SCAF4: variants seen among roughly 807,000 people sequenced by gnomAD.
SCAF4 encodes SR-related and CTD-associated factor 4.
A neutral mutation model predicts 129.8 loss-of-function variants in SCAF4; 25 were observed. That is an observed-to-expected ratio of 0.19 (90% CI 0.14 to 0.27). SCAF4 has a LOEUF of 0.27. Among genes scored for constraint, SCAF4 ranks in the 10% least tolerant of loss-of-function variants. The pLI is 1.00. For missense variants in SCAF4, 1,246 were observed against 1,457.1 expected, an observed-to-expected ratio of 0.86 and a Z score of 2.36; for synonymous variants, 551 against 497.7, an observed-to-expected ratio of 1.11 and a Z score of -1.43.
intron 19 of SCAF4, among the ~76,000 whole-genome samples, chr21:31,680,038 C>T (rs555813864): frequency 1.8e-4 from 27 of 152,250 alleles, no homozygotes; most frequent in African/African-American, 6.3e-4. Context: ...AAAAATCTTA[C>T]CTGAAATTCT....
chr21:31,704,103 T>TG (rs529452794), intron 3 of SCAF4, among the ~76,000 whole-genome samples, 177 bp from the exon 4 acceptor site: 150 of 152,208 alleles, frequency 9.9e-4, no homozygotes, highest in African/African-American at 3.5e-3. Flanking sequence ...ATGTCTATAA[T>TG]GGAACTACCA....
At chr21:31,722,311 C>G (rs752860389) in intron 1 of SCAF4, among the ~76,000 whole-genome samples, 20 of 152,106 alleles carry the variant, frequency 1.3e-4, no homozygotes, top group Non-Finnish European at 2.5e-4. Context: ...TTCAGCTCTC[C>G]TCAGGCTCAG....
intron 12 of SCAF4, among the ~76,000 whole-genome samples, chr21:31,692,890 T>C (rs1168668091): frequency 1.3e-5 from 2 of 152,224 alleles, no homozygotes; most frequent in Non-Finnish European, 2.9e-5. Context: ...GTGTCCTAGG[T>C]GATAAGCCTT....
rs1400645966 is a variant in SCAF4, at chr21:31,671,464, C to G, written c.3379G>C (p.Ala1127Pro). 6.2e-7 allele frequency: 1 copy of G among 1,614,044 alleles called. No homozygotes were observed. Among genetic ancestry groups the G allele is most frequent in the Non-Finnish European group, 8.5e-7 (1 of 1,180,010 alleles). Residue 1127 changes from alanine (A) to proline (P), a missense_variant, in exon 20 of 20, where the codon GCT becomes CCT. By Grantham distance (27) the Ala-to-Pro change is conservative. Coordinates refer to ENST00000286835, the MANE Select transcript of SCAF4 (RefSeq NM_020706.2). ...GGTTCAACGGATGAGGTAGCCTCAG[C>G]AGGTAACTCTTCAGAAGGCTTTAGG... ...AVLKPSEELPAEATSSVEPEK... is the reference protein window; with the variant it reads ...AVLKPSEELPPEATSSVEPEK...
intron 1 of SCAF4, among the ~76,000 whole-genome samples, chr21:31,717,832 T>C (rs2050956482): frequency 1.1e-5 from 1 of 90,116 alleles, no homozygotes; most frequent in African/African-American, 3.9e-5. Context: ...CTGCCATATA[T>C]ATATATATAT....
intron 5 of SCAF4, 115 bp from the exon 6 acceptor site, chr21:31,702,033 A>C: frequency 7.4e-7 from 1 of 1,343,282 alleles, no homozygotes; most frequent in Non-Finnish European, 1.0e-6. Flanking sequence ...TAAAATATAG[A>C]GATTGTGGCA....
intron 1 of SCAF4, among the ~76,000 whole-genome samples, chr21:31,726,253 G>C (rs1355373375): frequency 6.6e-6 from 1 of 152,158 alleles, no homozygotes; most frequent in East Asian, 1.9e-4. Context: ...CACCGTGTTA[G>C]CCAGAATGGT....
chr21:31,723,682 A>G (rs1022984500), intron 1 of SCAF4, among the ~76,000 whole-genome samples: 1 of 151,300 alleles, frequency 6.6e-6, no homozygotes, highest in East Asian at 1.9e-4. Context: ...GGCCATTTCC[A>G]TTACTCATTT....
Position 31,701,183 on chromosome 21 carries a change from G to A in SCAF4, c.601-12C>T. 15 of 1,526,186 alleles carry A rather than the reference G, an allele frequency of 9.8e-6. No homozygotes were observed. Among genetic ancestry groups the A allele is most frequent in the South Asian group, 2.6e-5 (2 of 76,558 alleles). 94.5% of individuals were successfully genotyped at this position (1,526,186 alleles called of 1,614,324 possible). A position where few individuals can be genotyped will look rare whatever the true frequency, so the allele number is the denominator to read the frequency against. Reference sequence around the variant, plus strand: ...AGGATCTGCTGAAGCTTAAAGAATGGGAAAACCAATAAATCACAGAACAAA... The same window carrying A: ...AGGATCTGCTGAAGCTTAAAGAATGAGAAAACCAATAAATCACAGAACAAA... On this transcript the variant is annotated splice_polypyrimidine_tract_variant and intron_variant, in intron 6 of 19. Coordinates refer to ENST00000286835, the MANE Select transcript of SCAF4 (RefSeq NM_020706.2).
Position 31,702,288 on chromosome 21 carries a change from G to A in SCAF4, c.413C>T (p.Thr138Ile). Residue 138 changes from threonine (T) to isoleucine (I), a missense_variant, in exon 5 of 20, where the codon ACC becomes ATC. Transcript: ENST00000286835. The part of the protein sequence containing the change: ...IQPLLDMAAG[T>I]SNAAPVAENV... ...TTCTGCTACTGGGGCTGCATTACTG[G>A]TTCCCGCTGCCATGTCCAAAAGAGG... 1.9e-6 allele frequency: 3 copies of A among 1,614,024 alleles called. No homozygotes were observed. The highest frequency in any genetic ancestry group is 2.5e-6 in the Non-Finnish European group (3 of 1,179,994).
rs139069393 is a variant in SCAF4, at chr21:31,693,419, C to T, written c.1388G>A (p.Arg463Gln). The T allele has an allele frequency of 5.7e-5, 89 of 1,566,076 alleles. No individual in the cohort carries two copies. The highest frequency in any genetic ancestry group is 7.1e-5 in the Non-Finnish European group (81 of 1,146,780). Residue 463 changes from arginine to glutamine, a missense_variant, in exon 12 of 20, where the codon CGA becomes CAA. This residue lies in a region of SCAF4 where 468 missense variants were observed against 605.5 expected (regional missense o/e 0.77). Transcript: ENST00000286835. Reference protein sequence around the residue: ...RSRRSRHRRSRSRSRDRRRHS... With the variant: ...RSRRSRHRRSQSRSRDRRRHS... ...TCGGCGTCTATCCCTGGACCGAGAT[C>T]GAGAACGTCGATGCCGAGACCTTCG... is the stretch of plus-strand genomic sequence containing the variant.
rs200558960 is a variant in SCAF4 at position 31,690,777 on chromosome 21, G to T, written c.1885+20C>A. Reference sequence around the variant, plus strand: ...CCAAGCAAATAAGTGAACTGTAAGAGAAATTAAATACTGCTTTACCTGGGT... The same window carrying T: ...CCAAGCAAATAAGTGAACTGTAAGATAAATTAAATACTGCTTTACCTGGGT... On this transcript the variant is annotated intron_variant, in intron 15 of 19. Transcript: ENST00000286835. The T allele has an allele frequency of 2.5e-4, 403 of 1,602,614 alleles. 2 individuals carry two copies. Among genetic ancestry groups the T allele is most frequent in the Non-Finnish European group, 3.2e-4 (370 of 1,174,132 alleles).
intron 19 of SCAF4, among the ~76,000 whole-genome samples, chr21:31,680,412 G>A (rs1417476397): frequency 5.3e-5 from 8 of 152,054 alleles, no homozygotes; most frequent in Non-Finnish European, 7.3e-5. Flanking sequence ...ACTGTAATTC[G>A]TATTTAAGAA....
At chr21:31,699,283 G>C (rs908607554) in intron 7 of SCAF4, among the ~76,000 whole-genome samples, 2 of 152,078 alleles carry the variant, frequency 1.3e-5, no homozygotes, top group Non-Finnish European at 2.9e-5. Context: ...GGACTGAACA[G>C]ACAATCATAA....
rs1330022249 is a variant in SCAF4, at chr21:31,732,004, C to A, written c.-312G>T. The A allele has an allele frequency of 2.1e-5, 10 of 471,554 alleles. No homozygotes were observed. The highest frequency in any genetic ancestry group is 3.7e-5 in the Non-Finnish European group (10 of 272,192). 29.2% of individuals were successfully genotyped at this position (471,554 alleles called of 1,614,324 possible). On this transcript the variant is annotated 5_prime_UTR_variant, in exon 1 of 20. Coordinates refer to ENST00000286835, the MANE Select transcript of SCAF4 (RefSeq NM_020706.2). ...TCTGCGTCTCGCTGACACGGCCCCC[C>A]GCGCCCTCACGCACTGGCTCACACT...
intron 3 of SCAF4, among the ~76,000 whole-genome samples, chr21:31,704,916 C>T (rs893101189): frequency 1.2e-4 from 19 of 152,154 alleles, no homozygotes; most frequent in African/African-American, 4.6e-4. Context: ...TTAGTAGGTA[C>T]TACATGTCAC....
intron 3 of SCAF4, among the ~76,000 whole-genome samples, chr21:31,704,715 T>C (rs1299275513): frequency 2.0e-5 from 3 of 152,192 alleles, no homozygotes; most frequent in African/African-American, 4.8e-5. Context: ...AATCCAAATG[T>C]ATTAATAAAT....
intron 1 of SCAF4, among the ~76,000 whole-genome samples, chr21:31,723,775 T>C (rs1306484394): frequency 6.6e-6 from 1 of 152,214 alleles, no homozygotes; most frequent in Non-Finnish European, 1.5e-5. Context: ...ATATGCCAGC[T>C]ATACCACTGC....
intron 7 of SCAF4, chr21:31,700,745 T>C (rs1414618574): frequency 2.8e-5 from 11 of 399,574 alleles, no homozygotes; most frequent in Admixed American, 4.3e-5. Context: ...CTTTTTCTTT[T>C]TTTTTTTTTT....
Sources: gnomAD v4.1 joint callset for allele counts (sites outside exome capture counted in the v4.1 genomes callset) on GRCh38, gnomAD v4.1.1 for gene constraint, gnomAD v4.1.1 regional missense constraint, MANE v1.5 for transcripts, NCBI Gene and HGNC (gene_info 2026-07-23, HGNC 2026-07-21) for gene names.